SERPINB2: variants seen among roughly 807,000 people sequenced by gnomAD.
SERPINB2 encodes serpin family B member 2, also known as plasminogen activator inhibitor 2.
Under a neutral mutation model 39.4 loss-of-function variants are expected in SERPINB2, and 28 were observed. The observed-to-expected ratio is 0.71, with a 90% CI of 0.53 to 0.97. The LOEUF is 0.97. SERPINB2 is among the 50% of genes least tolerant of loss of function. SERPINB2 has a pLI of 0.00. For missense variants in SERPINB2, 557 were observed against 505.3 expected (o/e 1.10, Z -0.98); for synonymous variants, 209 against 175.1 (o/e 1.19, Z -1.53).
chr18:63,895,459 A>T, intron 3 of SERPINB2, 76 bp downstream of exon 3: 2 of 1,583,306 alleles, frequency 1.3e-6, no homozygotes, highest in Non-Finnish European at 1.7e-6. Context: ...ACAGTGTCAG[A>T]CTGGGAAGGA....
chr18:63,902,863 A>G (rs1269844286), intron 7 of SERPINB2, 38 bp from the exon 8 acceptor site: 2 of 1,503,320 alleles, frequency 1.3e-6, no homozygotes, highest in Non-Finnish European at 1.8e-6. Context: ...TACTTGCTGT[A>G]TTTTCTTTTG....
intron 2 of SERPINB2, among the ~76,000 whole-genome samples, chr18:63,892,309 C>G (rs1257368311): frequency 1.3e-5 from 2 of 152,140 alleles, no homozygotes; most frequent in African/African-American, 4.8e-5. Flanking sequence ...CCACTGCCTG[C>G]CTTCCTTGGT....
Position 63,903,259 on chromosome 18 carries a change from A to C in SERPINB2, c.1202A>C (p.Lys401Thr), listed in dbSNP as rs1162023536. 6.4e-7 allele frequency: 1 copy of C among 1,573,784 alleles called. No homozygotes were observed. The highest frequency in any genetic ancestry group is 8.6e-7 in the Non-Finnish European group (1 of 1,161,906). Residue 401 changes from lysine to threonine, a missense_variant, in exon 8 of 8, where the codon AAG (lysine) becomes ACG (threonine). Coordinates refer to ENST00000299502, the MANE Select transcript of SERPINB2 (RefSeq NM_002575.3). Reference protein sequence around the residue: ...DHPFLFLIMHKITNCILFFGR... With the variant: ...DHPFLFLIMHTITNCILFFGR... ...CCTTTTCTTTTTCTTATTATGCATAAGATAACCAACTGCATTTTATTTTTC... is the reference window on the plus strand; with the variant it reads ...CCTTTTCTTTTTCTTATTATGCATACGATAACCAACTGCATTTTATTTTTC...
At chr18:63,889,247 A>T (rs540397990) in intron 1 of SERPINB2, among the ~76,000 whole-genome samples, 1 of 152,368 alleles carries the variant, frequency 6.6e-6, no homozygotes, top group South Asian at 2.1e-4. Flanking sequence ...TTATTTTTAC[A>T]TTAAATGTAA....
rs748384444 is a variant in SERPINB2 at position 63,897,086 on chromosome 18, T to C, written c.289-5T>C. The C allele has an allele frequency of 8.1e-6, 13 of 1,611,296 alleles. No homozygotes were observed. Among genetic ancestry groups the C allele is most frequent in the Non-Finnish European group, 1.0e-5 (12 of 1,178,584 alleles). ...TATATAAAGAATTCCTTCTTTCTTT[T>C]CAAGGCACAAGCTGCAGATAAAATC... On this transcript the variant is annotated splice_polypyrimidine_tract_variant and splice_region_variant and intron_variant, in intron 3 of 7. Transcript: ENST00000299502.
At chr18:63,892,124 A>C (rs1026424672) in intron 2 of SERPINB2, among the ~76,000 whole-genome samples, 3 of 152,032 alleles carry the variant, frequency 2.0e-5, no homozygotes, top group South Asian at 2.1e-4. Flanking sequence ...AAAAAAAAAA[A>C]AACATACCAG....
Position 63,896,100 on chromosome 18 carries a change from T to C in SERPINB2, c.288+717T>C, listed in dbSNP as rs184572544. On this transcript the variant is annotated intron_variant, in intron 3 of 7. Coordinates refer to ENST00000299502, the MANE Select transcript of SERPINB2 (RefSeq NM_002575.3). ...TCCACAGTCATGCTTATGAGGTAGATTATGAAGAGGTATCTCCCAAAGCTC... is the reference window on the plus strand; with the variant it reads ...TCCACAGTCATGCTTATGAGGTAGACTATGAAGAGGTATCTCCCAAAGCTC... 1.5e-4 allele frequency among the ~76,000 whole-genome samples: 23 copies of C among 152,286 alleles called. No homozygotes were observed. The East Asian group carries it at 4.4e-3, about 29-fold the overall frequency.
chr18:63,902,371 C>A (rs377682684), intron 6 of SERPINB2, 33 bp from the exon 7 acceptor site: 1 of 1,508,028 alleles, frequency 6.6e-7, no homozygotes, highest in Non-Finnish European at 8.9e-7. Flanking sequence ...ATCTTATAAT[C>A]GACTTCCATA....
intron 4 of SERPINB2, among the ~76,000 whole-genome samples, 176 bp downstream of exon 4, chr18:63,897,395 C>T (rs2049966906): frequency 6.6e-6 from 1 of 152,204 alleles, no homozygotes; most frequent in Non-Finnish European, 1.5e-5. Context: ...GCTTCCTCCT[C>T]TTCCCATTGC....
At position 63,897,111 on chromosome 18, in the gene SERPINB2, C is replaced by T; in HGVS notation, c.309C>T (p.Ile103=). Reference sequence around the variant, plus strand: ...TCAAGGCACAAGCTGCAGATAAAATCCATTCATCCTTCCGCTCTCTCAGCT... The same window carrying T: ...TCAAGGCACAAGCTGCAGATAAAATTCATTCATCCTTCCGCTCTCTCAGCT... ...AILQAQAADK[I]HSSFRSLSSA... is the part of the protein sequence containing the mutation. Residue 103 remains isoleucine, a synonymous_variant, in exon 4 of 8, where the codon ATC becomes ATT. Transcript: ENST00000299502. 3.7e-6 allele frequency: 6 copies of T among 1,612,876 alleles called. No homozygotes were observed. The highest frequency in any genetic ancestry group is 5.1e-6 in the Non-Finnish European group (6 of 1,179,310).
At chr18:63,888,871 T>C (rs1487125793) in intron 1 of SERPINB2, among the ~76,000 whole-genome samples, 1 of 152,234 alleles carries the variant, frequency 6.6e-6, no homozygotes, top group Non-Finnish European at 1.5e-5. Flanking sequence ...GGTATACCTG[T>C]TCCAGGAGGC....
intron 7 of SERPINB2, 116 bp from the exon 8 acceptor site, chr18:63,902,785 A>T: frequency 8.3e-7 from 1 of 1,211,464 alleles, no homozygotes; most frequent in Non-Finnish European, 1.1e-6. Flanking sequence ...AACTTTCTAT[A>T]TCACCCACAA....
rs2049963939 is a variant in SERPINB2 at position 63,897,100 on chromosome 18, G to T, written c.298G>T (p.Ala100Ser). The T allele has an allele frequency of 1.2e-6, 2 of 1,612,304 alleles. No homozygotes were observed. Among genetic ancestry groups the T allele is most frequent in the African/African-American group, 2.7e-5 (2 of 74,860 alleles). The change falls in exon 4 of 8, where the codon GCA becomes TCA. Residue 100 changes from alanine to serine, a missense_variant. Transcript: ENST00000299502. Reference sequence around the variant, plus strand: ...CTTCTTTCTTTTCAAGGCACAAGCTGCAGATAAAATCCATTCATCCTTCCG... The same window carrying T: ...CTTCTTTCTTTTCAAGGCACAAGCTTCAGATAAAATCCATTCATCCTTCCG... ...YPDAILQAQA[A>S]DKIHSSFRSL...
chr18:63,895,204 T>A, intron 2 of SERPINB2, 60 bp from the exon 3 acceptor site: 2 of 1,599,170 alleles, frequency 1.3e-6, no homozygotes, highest in Non-Finnish European at 1.7e-6. Context: ...TAGCCATCTG[T>A]TTTAAAAGTT....
chr18:63,889,632 A>T (rs565128925), intron 1 of SERPINB2, among the ~76,000 whole-genome samples: 25 of 152,234 alleles, frequency 1.6e-4, no homozygotes, highest in African/African-American at 6.0e-4. Context: ...TGAGATAATT[A>T]ATTTTAAAAA....
At chr18:63,893,721 A>G (rs1183225075) in intron 2 of SERPINB2, among the ~76,000 whole-genome samples, 1 of 152,246 alleles carries the variant, frequency 6.6e-6, no homozygotes, top group African/African-American at 2.4e-5. Context: ...TGAAGATTAG[A>G]GGTACTATGT....
At chr18:63,895,150 A>G in intron 2 of SERPINB2, 114 bp from the exon 3 acceptor site, 1 of 1,223,142 alleles carries the variant, frequency 8.2e-7, no homozygotes, top group South Asian at 1.5e-5. Context: ...TTCCCCATGT[A>G]TAAGGGAAGG....
chr18:63,902,574 A>G lies in SERPINB2; in HGVS notation c.843+6A>G. ...TGTCCACTGGCTTGGAGCTGGTAAG[A>G]CATTCAGATATTTAAGTTTCTGGGG... is the stretch of plus-strand genomic sequence containing the variant. On this transcript the variant is annotated splice_donor_region_variant and intron_variant, in intron 7 of 7. Coordinates refer to ENST00000299502, the MANE Select transcript of SERPINB2 (RefSeq NM_002575.3). 2 of 1,595,376 alleles carry G rather than the reference A, an allele frequency of 1.3e-6. No individual in the cohort carries two copies. The highest frequency in any genetic ancestry group is 1.7e-6 in the Non-Finnish European group (2 of 1,173,170).
chr18:63,891,507 A>T lies in SERPINB2; in HGVS notation c.63A>T (p.Lys21Asn). ...TCAATTTATTCAAGCATCTGGCAAA[A>T]GCAAGCCCCACCCAGAACCTCTTCC... ...FALNLFKHLAKASPTQNLFLS... is the reference protein window; with the variant it reads ...FALNLFKHLANASPTQNLFLS... Residue 21 changes from lysine to asparagine, a missense_variant, in exon 2 of 8, where the codon AAA (lysine) becomes AAT (asparagine). Transcript: ENST00000299502. 9 of 1,614,172 alleles carry T rather than the reference A, an allele frequency of 5.6e-6. No individual in the cohort carries two copies. The highest frequency in any genetic ancestry group is 7.6e-6 in the Non-Finnish European group (9 of 1,180,012).
Sources: allele counts gnomAD v4.1 joint callset (sites outside exome capture counted in the v4.1 genomes callset), GRCh38; gene constraint gnomAD v4.1.1; transcripts MANE v1.5; gene names NCBI Gene and HGNC (gene_info 2026-07-23, HGNC 2026-07-21).